The following CENPP variants were observed in gnomAD, a reference collection of about 807,000 sequenced individuals.
CENPP encodes centromere protein P.
Under a neutral mutation model 35.6 loss-of-function variants are expected in CENPP, and 24 were observed. The observed-to-expected ratio is 0.67, with a 90% confidence interval of 0.49 to 0.95. The LOEUF (loss-of-function observed/expected upper bound fraction) is 0.95, where lower values mean the gene tolerates loss of function less well. CENPP is among the 40% of genes least tolerant of loss of function. CENPP has a pLI of 0.00. For synonymous variants in CENPP, 120 were observed against 125.5 expected (o/e 0.96, Z 0.29); for missense variants, 332 against 345.3 (o/e 0.96, Z 0.31).
intron 5 of CENPP, among the ~76,000 whole-genome samples, chr9:92,558,549 G>A (rs141320670): frequency 6.6e-5 from 10 of 152,242 alleles, no homozygotes; most frequent in Non-Finnish European, 1.2e-4. Flanking sequence ...GGTGGCAGAG[G>A]GTGCAATGGA....
At chr9:92,527,457 G>A (rs10992360) in intron 5 of CENPP, among the ~76,000 whole-genome samples, 31 of 152,162 alleles carry the variant, frequency 2.0e-4, no homozygotes, top group Non-Finnish European at 3.1e-4. Context: ...ATCTAGGTTC[G>A]TGTAAGTACA....
At chr9:92,585,545 G>A (rs1850519958) in intron 5 of CENPP, among the ~76,000 whole-genome samples, 2 of 152,196 alleles carry the variant, frequency 1.3e-5, no homozygotes, top group Non-Finnish European at 1.5e-5. Context: ...ATTACTGGTT[G>A]TATGGCAAGC....
rs35323105 is a variant in CENPP at position 92,412,975 on chromosome 9, C to CTT, written c.564+33141_564+33142dup. On this transcript the variant is annotated intron_variant, in intron 5 of 7. Transcript: ENST00000375587. ...AATCGCTGGGTTATATGTAACTAAGCTTTTTTTTTTTTTTTTTTTTTTTTT... is the reference window on the plus strand; with the variant it reads ...AATCGCTGGGTTATATGTAACTAAGCTTTTTTTTTTTTTTTTTTTTTTTTTTT... Among the ~76,000 whole-genome samples the CTT allele has an allele frequency of 1.9e-3, 84 of 45,270 alleles. 11 individuals carry two copies. Among genetic ancestry groups the CTT allele is most frequent in the African/African-American group, 3.8e-3 (38 of 9,872 alleles). 29.7% of individuals were successfully genotyped at this position (45,270 alleles called of 152,430 possible).
intron 5 of CENPP, chr9:92,403,365 G>A (rs1231452080): frequency 6.2e-7 from 1 of 1,612,996 alleles, no homozygotes; most frequent in East Asian, 2.2e-5. Flanking sequence ...TTTATCAGAG[G>A]CACAAGCAGT....
At chr9:92,604,951 GT>G (rs1221277871) in intron 5 of CENPP, among the ~76,000 whole-genome samples, 4 of 151,946 alleles carry the variant, frequency 2.6e-5, no homozygotes, top group Admixed American at 1.3e-4. Context: ...TTACTCCTAT[GT>G]TTTCTCTCAG....
intron 5 of CENPP, chr9:92,515,109 A>G (rs1224216208): frequency 1.2e-6 from 2 of 1,613,958 alleles, no homozygotes; most frequent in Non-Finnish European, 1.7e-6. Flanking sequence ...GCAGTTGCTT[A>G]TGAAGTAAAT....
intron 4 of CENPP, among the ~76,000 whole-genome samples, chr9:92,363,760 A>G (rs1020567899): frequency 2.6e-5 from 4 of 151,854 alleles, no homozygotes; most frequent in African/African-American, 9.7e-5. Context: ...TCACATTTCT[A>G]TGTCCTTTCT....
intron 5 of CENPP, among the ~76,000 whole-genome samples, chr9:92,567,373 G>GATAGATATATATATATATATAT (rs1554688237): frequency 2.6e-4 from 34 of 129,070 alleles, no homozygotes; most frequent in South Asian, 8.3e-4. Context: ...ACATAAGATA[G>GATAGATATATATATATATATAT]ATATATATAT....
chr9:92,479,995 A>G (rs1317006837), intron 5 of CENPP, among the ~76,000 whole-genome samples: 5 of 152,220 alleles, frequency 3.3e-5, no homozygotes, highest in Non-Finnish European at 5.9e-5. Context: ...AGAGAATATT[A>G]TATGTCATTT....
At chr9:92,411,034 G>A (rs796268543) in intron 5 of CENPP, among the ~76,000 whole-genome samples, 5 of 151,970 alleles carry the variant, frequency 3.3e-5, no homozygotes, top group African/African-American at 1.2e-4. Context: ...GAGTGCAGTG[G>A]TGCAATCTCG....
intron 5 of CENPP, among the ~76,000 whole-genome samples, chr9:92,587,703 A>G (rs1471246000): frequency 6.6e-6 from 1 of 152,252 alleles, no homozygotes; most frequent in African/African-American, 2.4e-5. Context: ...CAAGGGAGGC[A>G]GGAATTGGGA....
chr9:92,580,078 G>A (rs1254164586), intron 5 of CENPP, among the ~76,000 whole-genome samples: 2 of 151,760 alleles, frequency 1.3e-5, no homozygotes, highest in African/African-American at 4.8e-5. Context: ...TTTTGTCTTT[G>A]GTTCTGTTTA....
intron 5 of CENPP, chr9:92,505,571 A>T: frequency 6.2e-7 from 1 of 1,607,038 alleles, no homozygotes; most frequent in East Asian, 2.2e-5. Context: ...ATAATTCTAA[A>T]TTTATTTTTT....
chr9:92,415,001 G>A (rs1340785204), intron 5 of CENPP: 2 of 535,232 alleles, frequency 3.7e-6, no homozygotes, highest in Non-Finnish European at 6.4e-6. Flanking sequence ...ATGAAATGAT[G>A]CAGATGTCAC....
intron 5 of CENPP, among the ~76,000 whole-genome samples, chr9:92,521,978 A>G (rs879132228): frequency 6.6e-6 from 1 of 152,272 alleles, no homozygotes; most frequent in Admixed American, 6.5e-5. Flanking sequence ...AATGATAACT[A>G]TGATTTTGTA....
intron 5 of CENPP, among the ~76,000 whole-genome samples, chr9:92,568,918 T>C (rs934177143): frequency 3.3e-5 from 5 of 152,252 alleles, no homozygotes; most frequent in African/African-American, 7.2e-5. Context: ...CTTTGCCCAC[T>C]TTTTGATGGG....
At chr9:92,524,114 CTG>C (rs1848244805) in intron 5 of CENPP, among the ~76,000 whole-genome samples, 1 of 152,220 alleles carries the variant, frequency 6.6e-6, no homozygotes, top group Admixed American at 6.5e-5. Context: ...CTAAGACGTT[CTG>C]TGACTGATGT....
Position 92,441,713 on chromosome 9 carries a change from C to G in CENPP, c.564+61854C>G, listed in dbSNP as rs187671350. Among the ~76,000 whole-genome samples the G allele has an allele frequency of 2.6e-4, 40 of 152,204 alleles. No individual in the cohort carries two copies. In the East Asian group the frequency reaches 7.4e-3, roughly 28 times the overall value. ...GGTGGAGGTTGCAGTGAGCCGAGAT[C>G]GCGCCACTGCACTCCAGCCTAGGTG... On this transcript the variant is annotated intron_variant, in intron 5 of 7. Transcript: ENST00000375587.
intron 5 of CENPP, among the ~76,000 whole-genome samples, chr9:92,420,993 G>A (rs1489954278): frequency 6.6e-6 from 1 of 152,118 alleles, no homozygotes; most frequent in Admixed American, 6.6e-5. Flanking sequence ...AATGTGGTTG[G>A]TTAACTCTTG....
Sources: allele counts gnomAD v4.1 joint callset (sites outside exome capture counted in the v4.1 genomes callset), GRCh38; gene constraint gnomAD v4.1.1; transcripts MANE v1.5; gene names NCBI Gene and HGNC (gene_info 2026-07-23, HGNC 2026-07-21).